Variants in SIL1 observed in about 807,000 individuals in gnomAD.
SIL1 encodes the protein nucleotide exchange factor SIL1.
A neutral mutation model predicts 49.1 loss-of-function variants in SIL1; 40 were observed. The observed-to-expected ratio is 0.81, with a 90% CI of 0.63 to 1.06. SIL1 has a LOEUF of 1.06. SIL1 is among the 50% of genes least tolerant of loss of function. The pLI, the probability that SIL1 is intolerant of heterozygous loss-of-function variation, is 0.00. For missense variants in SIL1, 500 were observed against 572.6 expected (o/e 0.87, Z 1.29); for synonymous variants, 253 against 250.8 (o/e 1.01, Z -0.08).
At chr5:139,014,231 G>A (rs920109939) in intron 7 of SIL1, 1 of 152,162 alleles carries the variant, frequency 6.6e-6, no homozygotes, top group South Asian at 2.1e-4. Flanking sequence ...GCCGGGCATG[G>A]TGGCACACAC....
At chr5:139,175,975 A>G (rs1436940735) in intron 1 of SIL1, among the ~76,000 whole-genome samples, 4 of 152,122 alleles carry the variant, frequency 2.6e-5, no homozygotes, top group African/African-American at 9.7e-5. Flanking sequence ...GAAAAAAAAA[A>G]GAAAACTACA....
At chr5:139,001,349 T>G (rs1356605339) in intron 7 of SIL1, among the ~76,000 whole-genome samples, 1 of 152,200 alleles carries the variant, frequency 6.6e-6, no homozygotes, top group Non-Finnish European at 1.5e-5. Context: ...AATTCTACTT[T>G]AAGGCATATA....
At chr5:139,036,247 G>C (rs1768908242) in intron 5 of SIL1, among the ~76,000 whole-genome samples, 2 of 152,148 alleles carry the variant, frequency 1.3e-5, no homozygotes. Context: ...GTCCTGAATG[G>C]TATTGCCTAA....
chr5:139,193,654 A>G (rs1448883144), intron 1 of SIL1, among the ~76,000 whole-genome samples: 2 of 152,198 alleles, frequency 1.3e-5, no homozygotes, highest in Non-Finnish European at 2.9e-5. Context: ...AAATAATTAG[A>G]TGAACCCAAA....
At chr5:139,012,087 T>G (rs970947260) in intron 7 of SIL1, among the ~76,000 whole-genome samples, 1 of 152,154 alleles carries the variant, frequency 6.6e-6, no homozygotes, top group Non-Finnish European at 1.5e-5. Context: ...GGAGTCTCGC[T>G]CTGTTGCCCA....
intron 7 of SIL1, among the ~76,000 whole-genome samples, chr5:139,017,704 G>A (rs1007015026): frequency 6.6e-6 from 1 of 152,106 alleles, no homozygotes; most frequent in Non-Finnish European, 1.5e-5. Context: ...GAAAACAAAA[G>A]CAGGCGGCTA....
intron 1 of SIL1, among the ~76,000 whole-genome samples, chr5:139,159,090 T>C (rs912532856): frequency 2.7e-5 from 4 of 149,812 alleles, no homozygotes; most frequent in African/African-American, 9.9e-5. Flanking sequence ...AAGATGGTAC[T>C]AAAAGAGAGA....
At position 139,115,621 on chromosome 5, in the gene SIL1, C is replaced by T. The variant is rs114089393; in HGVS notation, c.244+5414G>A. ...AGGATTCAGAGAGCTTCCTGAACTCCACTTGAGCATGAGGGTTGGCGGACA... is the reference window on the plus strand; with the variant it reads ...AGGATTCAGAGAGCTTCCTGAACTCTACTTGAGCATGAGGGTTGGCGGACA... On this transcript the variant is annotated intron_variant, in intron 3 of 9. Coordinates refer to ENST00000394817, the MANE Select transcript of SIL1 (RefSeq NM_022464.5). 8.4e-3 allele frequency among the ~76,000 whole-genome samples: 1,284 copies of T among 152,236 alleles called. 19 individuals are homozygous for T. Among genetic ancestry groups the T allele is most frequent in the African/African-American group, 0.029 (1,213 of 41,540 alleles).
chr5:139,180,436 T>C (rs1751963606), intron 1 of SIL1, among the ~76,000 whole-genome samples: 1 of 151,796 alleles, frequency 6.6e-6, no homozygotes, highest in Non-Finnish European at 1.5e-5. Flanking sequence ...AATCAGACTT[T>C]TTTCTCCTAC....
intron 1 of SIL1, among the ~76,000 whole-genome samples, chr5:139,142,826 TG>T (rs1249875098): frequency 6.6e-6 from 1 of 152,072 alleles, no homozygotes; most frequent in African/African-American, 2.4e-5. Context: ...TGGAGTGCAG[TG>T]GCGCGATCTC....
intron 6 of SIL1, among the ~76,000 whole-genome samples, chr5:139,024,050 G>A (rs769280535): frequency 6.6e-6 from 1 of 152,276 alleles, no homozygotes; most frequent in Admixed American, 6.5e-5. Flanking sequence ...GGAAAACAAA[G>A]AACTTTGTTG....
intron 7 of SIL1, among the ~76,000 whole-genome samples, chr5:138,976,056 C>T (rs990619004): frequency 1.3e-5 from 2 of 152,234 alleles, no homozygotes; most frequent in African/African-American, 4.8e-5. Context: ...AGAACCAAAC[C>T]TGGTGTCAGG....
chr5:138,950,257 G>A (rs1199110755), intron 9 of SIL1, among the ~76,000 whole-genome samples: 1 of 152,252 alleles, frequency 6.6e-6, no homozygotes, highest in Non-Finnish European at 1.5e-5. Flanking sequence ...ACTGTGCCCA[G>A]GCCTTATCAA....
intron 7 of SIL1, among the ~76,000 whole-genome samples, chr5:138,998,789 G>A (rs1164537578): frequency 6.6e-6 from 1 of 151,706 alleles, no homozygotes; most frequent in Non-Finnish European, 1.5e-5. Flanking sequence ...CTCTAACACT[G>A]GGAATTATCT....
chr5:139,112,231 A>T (rs539785747), intron 3 of SIL1, among the ~76,000 whole-genome samples: 29 of 152,326 alleles, frequency 1.9e-4, no homozygotes, highest in Admixed American at 1.2e-3. Context: ...TTGGCCTCCC[A>T]AAGTGCCGAG....
intron 2 of SIL1, among the ~76,000 whole-genome samples, chr5:139,127,308 C>T (rs1334279375): frequency 6.6e-6 from 1 of 152,200 alleles, no homozygotes; most frequent in Non-Finnish European, 1.5e-5. Context: ...AGAATCCTGA[C>T]ATTCACAGCT....
chr5:139,129,155 A>G (rs1258397137), intron 1 of SIL1, among the ~76,000 whole-genome samples: 1 of 152,040 alleles, frequency 6.6e-6, no homozygotes, highest in East Asian at 1.9e-4. Context: ...TAAGAAAGTA[A>G]AAGAAGAAAG....
chr5:139,024,717 C>T (rs1221269729), intron 6 of SIL1, among the ~76,000 whole-genome samples: 3 of 152,368 alleles, frequency 2.0e-5, no homozygotes, highest in African/African-American at 7.2e-5. Context: ...CCCCCACCTG[C>T]AGTCTAATTC....
At chr5:139,182,378 C>G (rs1338232413) in intron 1 of SIL1, among the ~76,000 whole-genome samples, 1 of 152,200 alleles carries the variant, frequency 6.6e-6, no homozygotes, top group African/African-American at 2.4e-5. Flanking sequence ...CCACATCTGT[C>G]TCATTCATCA....
Sources: gnomAD v4.1 joint callset for allele counts (sites outside exome capture counted in the v4.1 genomes callset) on GRCh38, gnomAD v4.1.1 for gene constraint, MANE v1.5 for transcripts, NCBI Gene and HGNC (gene_info 2026-07-23, HGNC 2026-07-21) for gene names.